Variants in MGAT4C observed in about 807,000 individuals in gnomAD.
MGAT4C encodes the protein MGAT4 family member C, also known as alpha-1,3-mannosyl-glycoprotein 4-beta-N-acetylglucosaminyltransferase C.
In MGAT4C, 19 loss-of-function variants were observed where a neutral mutation model predicts 40.1. The ratio of observed to expected loss-of-function variants is 0.47; its 90% confidence interval spans 0.33 to 0.70. The LOEUF (loss-of-function observed/expected upper bound fraction) is 0.70. MGAT4C is among the 30% of genes least tolerant of loss of function. The pLI is 0.02. For synonymous variants in MGAT4C, 181 were observed against 187.1 expected, an observed-to-expected ratio of 0.97 and a Z score of 0.27; for missense variants, 491 against 563.2, an observed-to-expected ratio of 0.87 and a Z score of 1.30.
chr12:86,713,101 T>TAC (rs3080043), intron 2 of MGAT4C, among the ~76,000 whole-genome samples: 5,866 of 151,094 alleles, frequency 0.039, 143 homozygotes, highest in Non-Finnish European at 0.048. Context: ...TGCACACACA[T>TAC]ACACACACAC....
intron 1 of MGAT4C, among the ~76,000 whole-genome samples, chr12:86,200,256 T>C (rs1950001679): frequency 6.6e-6 from 1 of 151,510 alleles, no homozygotes; most frequent in Non-Finnish European, 1.5e-5. Context: ...ATTTTATGAA[T>C]ATACTATAAT....
rs111719735 is a variant in MGAT4C at position 86,393,523 on chromosome 12, C to T, written c.-120+41634G>A. 5.3e-3 allele frequency among the ~76,000 whole-genome samples: 805 copies of T among 152,206 alleles called. 3 individuals carry two copies. Among genetic ancestry groups the T allele is most frequent in the African/African-American group, 0.019 (774 of 41,524 alleles). ...CTGATTGAGATTAAAGCACTTTCTTCTATATTATCTTTTAAAGAGTGAATA... is the reference window on the plus strand; with the variant it reads ...CTGATTGAGATTAAAGCACTTTCTTTTATATTATCTTTTAAAGAGTGAATA... On this transcript the variant is annotated intron_variant, in intron 3 of 7. Transcript: ENST00000548651.
At chr12:86,110,047 A>C (rs772076052) in intron 1 of MGAT4C, among the ~76,000 whole-genome samples, 45 of 151,032 alleles carry the variant, frequency 3.0e-4, no homozygotes, top group Non-Finnish European at 5.5e-4. Context: ...TAAAAGTTAT[A>C]ACTTCAGGAA....
chr12:86,456,135 T>G (rs1957508065), intron 2 of MGAT4C, among the ~76,000 whole-genome samples: 1 of 152,118 alleles, frequency 6.6e-6, no homozygotes, highest in Non-Finnish European at 1.5e-5. Flanking sequence ...TTTAATTTAT[T>G]GAGGATATAT....
chr12:86,293,708 G>A (rs1168979185), intron 4 of MGAT4C, among the ~76,000 whole-genome samples: 3 of 152,058 alleles, frequency 2.0e-5, no homozygotes, highest in South Asian at 2.1e-4. Flanking sequence ...TAATCCCCAC[G>A]TGTCAAGGGA....
intron 1 of MGAT4C, among the ~76,000 whole-genome samples, chr12:86,779,026 A>C (rs928303556): frequency 6.7e-6 from 1 of 149,406 alleles, no homozygotes; most frequent in Non-Finnish European, 1.5e-5. Context: ...AAAAAAAAAC[A>C]ACTGTTATTT....
At chr12:86,015,986 G>A (rs139199040) in intron 2 of MGAT4C, 2 of 152,112 alleles carry the variant, frequency 1.3e-5, no homozygotes, top group African/African-American at 4.8e-5. Flanking sequence ...CACATTGAAC[G>A]CCAGTGGAAT....
intron 2 of MGAT4C, among the ~76,000 whole-genome samples, chr12:86,607,744 C>A (rs1181750070): frequency 6.6e-6 from 1 of 152,108 alleles, no homozygotes; most frequent in Non-Finnish European, 1.5e-5. Flanking sequence ...TTGACATGAT[C>A]TATCATTTGC....
At chr12:86,209,513 A>G (rs570402054) in intron 1 of MGAT4C, among the ~76,000 whole-genome samples, 2 of 152,270 alleles carry the variant, frequency 1.3e-5, no homozygotes, top group Admixed American at 1.3e-4. Flanking sequence ...CCAAGCTACA[A>G]TATGTTTAGC....
intron 1 of MGAT4C, among the ~76,000 whole-genome samples, chr12:86,137,502 A>G (rs901624102): frequency 6.6e-6 from 1 of 152,212 alleles, no homozygotes; most frequent in Non-Finnish European, 1.5e-5. Flanking sequence ...AGCTCCTTAT[A>G]AAACATTACT....
chr12:86,381,679 T>C (rs1264688684), intron 3 of MGAT4C, among the ~76,000 whole-genome samples: 1 of 152,148 alleles, frequency 6.6e-6, no homozygotes, highest in African/African-American at 2.4e-5. Flanking sequence ...AACTGACACA[T>C]AAAATTGTTC....
At chr12:86,319,953 G>A (rs192524019) in intron 4 of MGAT4C, among the ~76,000 whole-genome samples, 1 of 151,986 alleles carries the variant, frequency 6.6e-6, no homozygotes, top group Admixed American at 6.6e-5. Flanking sequence ...ATAAATTCAC[G>A]ATGTACTGAG....
intron 4 of MGAT4C, among the ~76,000 whole-genome samples, chr12:86,331,770 C>T (rs4628748): frequency 0.64 from 97,506 of 151,930 alleles, 32,290 homozygotes; most frequent in South Asian, 0.77. Flanking sequence ...GGAAAATTTA[C>T]GAAAGATAGA....
intron 1 of MGAT4C, among the ~76,000 whole-genome samples, chr12:86,233,082 C>T (rs1951394858): frequency 2.0e-5 from 3 of 152,226 alleles, no homozygotes; most frequent in African/African-American, 7.2e-5. Context: ...CTAGGTTATT[C>T]TGTTTTAGAT....
intron 1 of MGAT4C, among the ~76,000 whole-genome samples, chr12:86,093,691 G>T (rs1253215108): frequency 6.6e-6 from 1 of 151,902 alleles, no homozygotes; most frequent in Non-Finnish European, 1.5e-5. Context: ...TCGCACCACT[G>T]CACTCTAGCC....
Position 86,296,025 on chromosome 12 carries a change from TGGTTTGTTTA to T in MGAT4C, c.-57+38030_-57+38039del. Among the ~76,000 whole-genome samples, 3 of 91,792 alleles carry T rather than the reference TGGTTTGTTTA, an allele frequency of 3.3e-5. No individual in the cohort carries two copies. In the East Asian group the frequency reaches 1.5e-3, roughly 47 times the overall value. 60.2% of individuals were successfully genotyped at this position (91,792 alleles called of 152,430 possible). A position where few individuals can be genotyped will look rare whatever the true frequency, so the allele number is the denominator to read the frequency against. On this transcript the variant is annotated intron_variant, in intron 4 of 7. Coordinates refer to the MGAT4C transcript ENST00000548651. Reference sequence around the variant, plus strand: ...CTTGAGCTAAACACAGGGTGCTGACTGGTTTGTTTACAATCCCTGAGCTAGACATAAAGAC... The same window carrying T: ...CTTGAGCTAAACACAGGGTGCTGACTCAATCCCTGAGCTAGACATAAAGAC...
chr12:86,511,640 T>C (rs1042607273), intron 2 of MGAT4C, among the ~76,000 whole-genome samples: 1 of 151,934 alleles, frequency 6.6e-6, no homozygotes, highest in Non-Finnish European at 1.5e-5. Context: ...GCTAAGAATA[T>C]ACAATGGGGA....
chr12:86,491,019 AC>A (rs1161513101), intron 2 of MGAT4C, among the ~76,000 whole-genome samples: 1 of 152,128 alleles, frequency 6.6e-6, no homozygotes, highest in Non-Finnish European at 1.5e-5. Flanking sequence ...CAGAAAGTTA[AC>A]AAGGATACCC....
intron 1 of MGAT4C, among the ~76,000 whole-genome samples, chr12:86,153,691 C>T (rs1001266744): frequency 1.3e-5 from 2 of 152,114 alleles, no homozygotes; most frequent in African/African-American, 4.8e-5. Context: ...TTATAAATAA[C>T]ACTTTTTCCT....
Sources: gnomAD v4.1 joint callset for allele counts (sites outside exome capture counted in the v4.1 genomes callset) on GRCh38, gnomAD v4.1.1 for gene constraint, MANE v1.5 for transcripts, NCBI Gene and HGNC (gene_info 2026-07-23, HGNC 2026-07-21) for gene names.